TENM3: variants seen among roughly 807,000 people sequenced by gnomAD.
The protein encoded by TENM3 is teneurin-3.
A neutral mutation model predicts 255.1 loss-of-function variants in TENM3; 63 were observed. The observed-to-expected ratio is 0.25, with a 90% CI of 0.20 to 0.30. The LOEUF (loss-of-function observed/expected upper bound fraction) is 0.30. Ranked by LOEUF, TENM3 falls within the 10% of genes least tolerant of loss-of-function variation. The probability of loss-of-function intolerance (pLI) is 1.00; values close to 1 mark genes in which losing one functional copy is unlikely to be tolerated. For missense variants in TENM3, 2,929 were observed against 3,461.1 expected, an observed-to-expected ratio of 0.85 and a Z score of 3.86; for synonymous variants, 1,306 against 1,322.3, an observed-to-expected ratio of 0.99 and a Z score of 0.27.
At chr4:181,867,570 A>G in the TENM3 span, among the ~76,000 whole-genome samples, 193 of 152,338 alleles carry the variant, frequency 1.3e-3, 6 homozygotes, top group African/African-American at 4.6e-3. Flanking sequence ...ATAGACAGCT[A>G]CAGATCTCCT....
chr4:181,629,447 C>G, the TENM3 span, among the ~76,000 whole-genome samples: 3 of 152,120 alleles, frequency 2.0e-5, no homozygotes, highest in Non-Finnish European at 4.4e-5. Context: ...AGTTTTTGCC[C>G]ATTCAGTATA....
At chr4:182,295,361 G>A (rs192049240) in intron 1 of TENM3, among the ~76,000 whole-genome samples, 23 of 138,646 alleles carry the variant, frequency 1.7e-4, no homozygotes, top group African/African-American at 5.4e-4. Context: ...CCTGCCTCCC[G>A]AGTTCAAGTG....
At chr4:181,549,118 C>T in the TENM3 span, among the ~76,000 whole-genome samples, 3,780 of 152,256 alleles carry the variant, frequency 0.025, 155 homozygotes, top group African/African-American at 0.081. Context: ...TGAACATACA[C>T]ATTTCCTTCA....
At chr4:182,252,063 G>T (rs540322253) in intron 1 of TENM3, among the ~76,000 whole-genome samples, 1 of 151,886 alleles carries the variant, frequency 6.6e-6, no homozygotes, top group Non-Finnish European at 1.5e-5. Context: ...CATGCCTGTA[G>T]TCCCAGCTAC....
At chr4:181,728,276 C>G in the TENM3 span, among the ~76,000 whole-genome samples, 1 of 152,078 alleles carries the variant, frequency 6.6e-6, no homozygotes, top group Non-Finnish European at 1.5e-5. Flanking sequence ...AAAGAGGGTT[C>G]TAGGATCTCG....
the TENM3 span, among the ~76,000 whole-genome samples, chr4:181,756,317 T>C: frequency 6.6e-6 from 1 of 152,196 alleles, no homozygotes; most frequent in African/African-American, 2.4e-5. Context: ...CAGCCTTCAT[T>C]TCATTTGGGC....
the TENM3 span, among the ~76,000 whole-genome samples, chr4:181,533,664 C>T: frequency 2.0e-5 from 3 of 151,994 alleles, no homozygotes; most frequent in African/African-American, 7.2e-5. Context: ...TAAGCTACTG[C>T]CAAATCCAAA....
At chr4:182,652,566 C>T (rs900000910) in intron 5 of TENM3, among the ~76,000 whole-genome samples, 3 of 152,176 alleles carry the variant, frequency 2.0e-5, no homozygotes, top group Non-Finnish European at 2.9e-5. Flanking sequence ...AACAATATCA[C>T]GTAATTTATC....
the TENM3 span, among the ~76,000 whole-genome samples, chr4:181,691,742 TTAA>T: frequency 6.6e-6 from 1 of 152,160 alleles, no homozygotes; most frequent in Non-Finnish European, 1.5e-5. Flanking sequence ...TTATTTGCAA[TTAA>T]TAAGAGTTAA....
the TENM3 span, among the ~76,000 whole-genome samples, chr4:181,616,447 A>C: frequency 6.7e-6 from 1 of 148,616 alleles, no homozygotes; most frequent in African/African-American, 2.5e-5. Context: ...TATCCTATCC[A>C]TATAATGTAA....
the TENM3 span, among the ~76,000 whole-genome samples, chr4:181,864,660 T>C: frequency 6.6e-6 from 1 of 151,994 alleles, no homozygotes; most frequent in Non-Finnish European, 1.5e-5. Flanking sequence ...CCAAATAAAA[T>C]AGGGGAGATA....
chr4:181,909,522 G>C, the TENM3 span, among the ~76,000 whole-genome samples: 3 of 152,166 alleles, frequency 2.0e-5, no homozygotes, highest in African/African-American at 4.8e-5. Flanking sequence ...GGGGGCAGAC[G>C]TGGTGACTCA....
the TENM3 span, among the ~76,000 whole-genome samples, chr4:182,066,642 G>T: frequency 6.6e-6 from 1 of 150,508 alleles, no homozygotes. Flanking sequence ...CAGGCGCGGT[G>T]GCTCATGCCT....
the TENM3 span, among the ~76,000 whole-genome samples, chr4:181,901,973 G>T: frequency 2.2e-4 from 34 of 151,934 alleles, no homozygotes; most frequent in Middle Eastern, 0.01. Flanking sequence ...TAGATAATAT[G>T]TAACAAAGAA....
chr4:181,460,220 C>T, the TENM3 span, among the ~76,000 whole-genome samples: 1 of 151,840 alleles, frequency 6.6e-6, no homozygotes, highest in Non-Finnish European at 1.5e-5. Context: ...TTGTAAATTC[C>T]ATGGGAAAAG....
intron 3 of TENM3, among the ~76,000 whole-genome samples, chr4:182,487,242 T>C (rs1325411115): frequency 6.6e-6 from 1 of 152,188 alleles, no homozygotes; most frequent in Non-Finnish European, 1.5e-5. Flanking sequence ...TCTTATCTGA[T>C]ACCAAAGTTA....
At chr4:181,834,671 C>T in the TENM3 span, among the ~76,000 whole-genome samples, 1 of 152,208 alleles carries the variant, frequency 6.6e-6, no homozygotes, top group Non-Finnish European at 1.5e-5. Flanking sequence ...GTCATGCGTT[C>T]GTACACCAAC....
At chr4:182,723,906 G>A (rs1487320689) in intron 13 of TENM3, among the ~76,000 whole-genome samples, 1 of 152,112 alleles carries the variant, frequency 6.6e-6, no homozygotes, top group Admixed American at 6.6e-5. Context: ...TTACTCTTTG[G>A]TTCTACAAAA....
At chr4:182,011,582 T>C in the TENM3 span, among the ~76,000 whole-genome samples, 3 of 152,222 alleles carry the variant, frequency 2.0e-5, no homozygotes, top group South Asian at 2.1e-4. Flanking sequence ...AGATTCTTAA[T>C]GTAGCATACA....
Sources: allele counts gnomAD v4.1 joint callset (sites outside exome capture counted in the v4.1 genomes callset), GRCh38; gene constraint gnomAD v4.1.1; transcripts MANE v1.5; gene names NCBI Gene and HGNC (gene_info 2026-07-23, HGNC 2026-07-21).